MYH13: variants seen among roughly 807,000 people sequenced by gnomAD.
The protein encoded by MYH13 is myosin-13.
A neutral mutation model predicts 232.1 loss-of-function variants in MYH13; 177 were observed. The observed-to-expected ratio is 0.76, with a 90% confidence interval of 0.67 to 0.86. The LOEUF (loss-of-function observed/expected upper bound fraction) is 0.86, where lower values mean the gene tolerates loss of function less well. MYH13 is among the 40% of genes least tolerant of loss of function. The probability of loss-of-function intolerance (pLI) is 0.00; values close to 1 mark genes in which losing one functional copy is unlikely to be tolerated. For synonymous variants in MYH13, 884 were observed against 923.5 expected (o/e 0.96, Z 0.78); for missense variants, 2,246 against 2,405.9 (o/e 0.93, Z 1.39).
At chr17:10,314,624 T>C (rs1906636361) in intron 29 of MYH13, among the ~76,000 whole-genome samples, 1 of 152,176 alleles carries the variant, frequency 6.6e-6, no homozygotes, top group Non-Finnish European at 1.5e-5. Context: ...ATGGCGCTTG[T>C]CCTTTTTCAG....
chr17:10,344,675 T>C (rs1281497707), intron 15 of MYH13, among the ~76,000 whole-genome samples: 2 of 151,244 alleles, frequency 1.3e-5, no homozygotes, highest in African/African-American at 2.4e-5. Context: ...AAAAAAATTA[T>C]CTGGGCGTGG....
At chr17:10,335,720 A>C (rs1168277415) in intron 18 of MYH13, among the ~76,000 whole-genome samples, 1 of 151,916 alleles carries the variant, frequency 6.6e-6, no homozygotes, top group Non-Finnish European at 1.5e-5. Context: ...GCGCCACTGC[A>C]CTCCAGCCTG....
chr17:10,339,096 C>T (rs1218843609), intron 18 of MYH13, among the ~76,000 whole-genome samples: 1 of 152,098 alleles, frequency 6.6e-6, no homozygotes, highest in African/African-American at 2.4e-5. Context: ...CCCCCCAACC[C>T]CCCGACAACG....
intron 16 of MYH13, among the ~76,000 whole-genome samples, chr17:10,342,449 C>T (rs1445427280): frequency 6.6e-6 from 1 of 151,986 alleles, no homozygotes; most frequent in Non-Finnish European, 1.5e-5. Flanking sequence ...TCCTAGGTAC[C>T]GTATATATAT....
chr17:10,371,373 A>G (rs1377860337), intron 1 of MYH13, 114 bp from the exon 2 acceptor site: 3 of 152,246 alleles, frequency 2.0e-5, no homozygotes, highest in African/African-American at 7.2e-5. Flanking sequence ...AAATAGATAC[A>G]CAGTAGATGG....
At chr17:10,312,952 T>C (rs1906564040) in intron 30 of MYH13, among the ~76,000 whole-genome samples, 195 bp from the exon 31 acceptor site, 1 of 151,040 alleles carries the variant, frequency 6.6e-6, no homozygotes, top group Non-Finnish European at 1.5e-5. Context: ...AGCAGGTCCC[T>C]AAGGAGCACC....
chr17:10,334,482 T>C (rs1907520838), intron 18 of MYH13, among the ~76,000 whole-genome samples: 2 of 152,216 alleles, frequency 1.3e-5, no homozygotes, highest in African/African-American at 4.8e-5. Context: ...GGCCACCCTA[T>C]TGAACAGTGC....
chr17:10,344,160 A>T lies in MYH13; in HGVS notation c.1585-51T>A, dbSNP rs1281865314. On this transcript the variant is annotated intron_variant, in intron 15 of 40. Coordinates refer to ENST00000252172, the MANE Select transcript of MYH13 (RefSeq NM_003802.3). Reference sequence around the variant, plus strand: ...ATATAATAGTGCATACCCATGCTTCATGGTCTGGAGAAGCCAAAAAACCTT... The same window carrying T: ...ATATAATAGTGCATACCCATGCTTCTTGGTCTGGAGAAGCCAAAAAACCTT... 3 of 1,586,256 alleles carry T rather than the reference A, an allele frequency of 1.9e-6. No homozygotes were observed. The African/African-American group carries it at 4.1e-5, about 21-fold the overall frequency.
At chr17:10,307,259 A>G (rs1906326464) in intron 35 of MYH13, among the ~76,000 whole-genome samples, 195 bp from the exon 36 acceptor site, 1 of 152,250 alleles carries the variant, frequency 6.6e-6, no homozygotes, top group East Asian at 1.9e-4. Context: ...AAACAGACCC[A>G]AGAATTGTAC....
intron 10 of MYH13, 56 bp from the exon 11 acceptor site, chr17:10,354,839 T>C (rs2142268273): frequency 1.4e-5 from 22 of 1,589,302 alleles, no homozygotes; most frequent in Admixed American, 3.4e-5. Flanking sequence ...CTGGGTTGTT[T>C]TTTTTTTCCC....
At position 10,318,888 on chromosome 17, in the gene MYH13, G is replaced by T; in HGVS notation, c.3640C>A (p.Leu1214Met). The T allele has an allele frequency of 6.2e-7, 1 of 1,614,150 alleles. No homozygotes were observed. Residue 1214 changes from leucine (L) to methionine (M), a missense_variant, in exon 27 of 41, where the codon CTG (leucine) becomes ATG (methionine). Coordinates refer to ENST00000252172, the MANE Select transcript of MYH13 (RefSeq NM_003802.3). ...TCCAGCTTCTGCTTCACCCGCTGCAGGTTGTCAATCTGCTCCCCAAGCTCG... is the reference window on the plus strand; with the variant it reads ...TCCAGCTTCTGCTTCACCCGCTGCATGTTGTCAATCTGCTCCCCAAGCTCG... ...VAELGEQIDN[L>M]QRVKQKLEKE... is the part of the protein sequence containing the mutation.
chr17:10,323,366 T>C (rs1404315483), intron 23 of MYH13, among the ~76,000 whole-genome samples: 1 of 152,158 alleles, frequency 6.6e-6, no homozygotes, highest in Non-Finnish European at 1.5e-5. Context: ...GGCCTTCTTG[T>C]TTGCAATCCC....
chr17:10,356,193 C>T (rs922229762), intron 8 of MYH13, among the ~76,000 whole-genome samples: 14 of 152,094 alleles, frequency 9.2e-5, no homozygotes, highest in African/African-American at 2.9e-4. Flanking sequence ...TAGTACTAGC[C>T]TCAATATTTT....
chr17:10,311,865 G>A, intron 32 of MYH13, 46 bp downstream of exon 32: 1 of 1,608,220 alleles, frequency 6.2e-7, no homozygotes, highest in African/African-American at 1.3e-5. Context: ...GGGGTTGGCA[G>A]GAGGAGAGGG....
chr17:10,354,828 T>A (rs776639771), intron 10 of MYH13, 45 bp from the exon 11 acceptor site: 1 of 1,545,650 alleles, frequency 6.5e-7, no homozygotes, highest in Non-Finnish European at 8.8e-7. Flanking sequence ...CATAACTTAC[T>A]CTGGGTTGTT....
chr17:10,324,212 C>T lies in MYH13; in HGVS notation c.2744G>A (p.Ser915Asn). 1 of 1,613,946 alleles carries T rather than the reference C, an allele frequency of 6.2e-7. No homozygotes were observed. Residue 915 changes from serine (S) to asparagine (N), a missense_variant, in exon 23 of 41, where the codon AGC becomes AAC. Ser to Asn is a conservative substitution (Grantham distance 46). Coordinates refer to ENST00000252172, the MANE Select transcript of MYH13 (RefSeq NM_003802.3). ...GACTTTTGCTTCCAGTAGGATCTTG[C>T]TTTTGATGAGTCCTTCACACCGTTC... ...AEERCEGLIK[S>N]KILLEAKVKE... is the part of the protein sequence containing the mutation.
chr17:10,337,627 G>T (rs2071585631), intron 18 of MYH13, among the ~76,000 whole-genome samples: 1 of 152,182 alleles, frequency 6.6e-6, no homozygotes, highest in African/African-American at 2.4e-5. Flanking sequence ...GCTTTCTAAG[G>T]TGTCACCAGG....
chr17:10,357,874 T>C, intron 7 of MYH13, 47 bp from the exon 8 acceptor site: 1 of 1,538,528 alleles, frequency 6.5e-7, no homozygotes, highest in South Asian at 1.1e-5. Context: ...GATGGTTTTC[T>C]AAAGTAGCCC....
At chr17:10,340,720 T>C (rs1164232353) in intron 16 of MYH13, among the ~76,000 whole-genome samples, 1 of 151,646 alleles carries the variant, frequency 6.6e-6, no homozygotes, top group Non-Finnish European at 1.5e-5. Flanking sequence ...GATTTCACCA[T>C]GTTGGCCAGG....
Sources: allele counts gnomAD v4.1 joint callset (sites outside exome capture counted in the v4.1 genomes callset), GRCh38; gene constraint gnomAD v4.1.1; transcripts MANE v1.5; gene names NCBI Gene and HGNC (gene_info 2026-07-23, HGNC 2026-07-21).